Variants in CENPL observed in about 807,000 individuals in gnomAD.
The protein encoded by CENPL is centromere protein L.
In CENPL, 20 loss-of-function variants were observed where a neutral mutation model predicts 35.2. The ratio of observed to expected loss-of-function variants is 0.57; its 90% CI spans 0.40 to 0.83. CENPL has a LOEUF of 0.83. Ranked by LOEUF, CENPL falls within the 40% of genes least tolerant of loss-of-function variation. The probability of loss-of-function intolerance (pLI) is 0.00; values close to 1 mark genes in which losing one functional copy is unlikely to be tolerated. For synonymous variants in CENPL, 140 were observed against 140.6 expected, an observed-to-expected ratio of 1.00 and a Z score of 0.03; for missense variants, 363 against 395.8, an observed-to-expected ratio of 0.92 and a Z score of 0.70.
chr1:173,807,135 T>C (rs2102574652), intron 4 of CENPL, 132 bp downstream of exon 4: 1 of 680,580 alleles, frequency 1.5e-6, no homozygotes, highest in South Asian at 5.8e-5. Context: ...AAAATAAACA[T>C]GATTTTGTAC....
At chr1:173,802,267 G>A (rs1043129590) in intron 5 of CENPL, among the ~76,000 whole-genome samples, 2 of 151,632 alleles carry the variant, frequency 1.3e-5, no homozygotes, top group African/African-American at 4.8e-5. Context: ...GTGCAGTGGC[G>A]CGATCTCGGC....
rs1413226927 is a variant in CENPL at position 173,800,036 on chromosome 1, T to A, written c.*412A>T. The A allele has an allele frequency of 1.3e-5, 2 of 152,978 alleles. No homozygotes were observed. Among genetic ancestry groups the A allele is most frequent in the African/African-American group, 4.8e-5 (2 of 41,430 alleles). The allele number at this position is 152,978 out of a possible 1,614,324, so 9.5% of individuals were successfully genotyped here. A position where few individuals can be genotyped will look rare whatever the true frequency, so the allele number is the denominator to read the frequency against. On this transcript the variant is annotated 3_prime_UTR_variant, in exon 6 of 6. Coordinates refer to ENST00000682279, the MANE Select transcript of CENPL (RefSeq NM_001387287.1). ...CACCACGCCCAGCTAATTATTGTATTTTCAGTAGAGAAGGGGTTTCACCAT... is the reference window on the plus strand; with the variant it reads ...CACCACGCCCAGCTAATTATTGTATATTCAGTAGAGAAGGGGTTTCACCAT...
rs35772612 is a variant in CENPL at position 173,805,842 on chromosome 1, C to CTT, written c.420+1423_420+1424dup. Among the ~76,000 whole-genome samples, 10 of 151,558 alleles carry CTT rather than the reference C, an allele frequency of 6.6e-5. No individual in the cohort carries two copies. In the East Asian group the frequency reaches 1.6e-3, roughly 24 times the overall value. On this transcript the variant is annotated intron_variant, in intron 4 of 5. Transcript: ENST00000682279. ...GCCTCGGACAGCTTACATCCATGCA[C>CTT]TTTTTTTTTAAAAAAAGACAGTATA...
In CENPL at chr1:173,799,953, G is replaced by C. The variant is rs1374992653; in HGVS notation, c.*495C>G. The C allele has an allele frequency of 6.6e-6, 1 of 152,246 alleles. No homozygotes were observed. The highest frequency in any genetic ancestry group is 1.5e-5 in the Non-Finnish European group (1 of 68,116). 9.4% of individuals were successfully genotyped at this position (152,246 alleles called of 1,614,324 possible). On this transcript the variant is annotated 3_prime_UTR_variant, in exon 6 of 6. Transcript: ENST00000682279. ...CTTGGCTCACTGCAGCCTGTCTTCT[G>C]GGTTAAAACGATTCTCCTGCCTCAG...
intron 5 of CENPL, among the ~76,000 whole-genome samples, chr1:173,801,436 C>T (rs964730710): frequency 6.6e-6 from 1 of 151,070 alleles, no homozygotes; most frequent in Admixed American, 6.6e-5. Context: ...ATTGCTTGAA[C>T]CCAGGAGGCG....
chr1:173,811,111 A>T, intron 3 of CENPL, 21 bp downstream of exon 3: 1 of 1,604,370 alleles, frequency 6.2e-7, no homozygotes, highest in Non-Finnish European at 8.5e-7. Context: ...TGACTAACAC[A>T]AAGGGACACA....
chr1:173,804,269 T>C (rs1650018284), intron 4 of CENPL, among the ~76,000 whole-genome samples: 1 of 152,264 alleles, frequency 6.6e-6, no homozygotes, highest in Non-Finnish European at 1.5e-5. Context: ...CTTTTGGGCA[T>C]GCAGAATATA....
intron 5 of CENPL, 76 bp downstream of exon 5, chr1:173,802,887 T>C (rs1649879148): frequency 2.1e-6 from 2 of 943,034 alleles, no homozygotes; most frequent in Non-Finnish European, 3.2e-6. Flanking sequence ...TTCAATTGAG[T>C]GGACAATACA....
chr1:173,814,463 C>G (rs543273179), intron 2 of CENPL, among the ~76,000 whole-genome samples: 2 of 152,270 alleles, frequency 1.3e-5, no homozygotes, highest in African/African-American at 4.8e-5. Flanking sequence ...TGTAAAAGAA[C>G]AGATATCACA....
intron 2 of CENPL, chr1:173,822,228 T>G (rs1479154574): frequency 1.3e-5 from 2 of 152,222 alleles, no homozygotes; most frequent in Non-Finnish European, 2.9e-5. Context: ...AAGATCATTG[T>G]TTTTGCCAAA....
chr1:173,806,102 T>C (rs1189931426), intron 4 of CENPL, among the ~76,000 whole-genome samples: 1 of 152,168 alleles, frequency 6.6e-6, no homozygotes, highest in Non-Finnish European at 1.5e-5. Context: ...AGGGGCTATG[T>C]TCCAATAAAA....
At chr1:173,818,181 A>G (rs1651604264) in intron 2 of CENPL, among the ~76,000 whole-genome samples, 1 of 152,144 alleles carries the variant, frequency 6.6e-6, no homozygotes, top group African/African-American at 2.4e-5. Context: ...TTTTTTAAAA[A>G]TGTTAAAAAA....
chr1:173,808,830 C>A (rs1267186476), intron 3 of CENPL, among the ~76,000 whole-genome samples: 12 of 152,026 alleles, frequency 7.9e-5, no homozygotes, highest in African/African-American at 2.9e-4. Context: ...TAGGTACAGG[C>A]AAAGATTTCA....
chr1:173,815,721 G>A (rs575676530), intron 2 of CENPL, among the ~76,000 whole-genome samples: 12 of 152,066 alleles, frequency 7.9e-5, no homozygotes, highest in Middle Eastern at 3.4e-3. Context: ...CAAACCCACC[G>A]CCAATATCAT....
chr1:173,800,486 C>T lies in CENPL; in HGVS notation c.997G>A (p.Ala333Thr). 1.3e-6 allele frequency: 2 copies of T among 1,500,878 alleles called. No individual in the cohort carries two copies. The highest frequency in any genetic ancestry group is 1.4e-5 in the African/African-American group (1 of 72,580). The allele number at this position is 1,500,878 out of a possible 1,614,324, so 93.0% of individuals were successfully genotyped here. A position where few individuals can be genotyped will look rare whatever the true frequency, so the allele number is the denominator to read the frequency against. Residue 333 changes from alanine to threonine, a missense_variant, in exon 6 of 6, where the codon GCA becomes ACA. Physicochemically the swap from Ala to Thr is moderately conservative, Grantham distance 58 (BLOSUM62 0). Transcript: ENST00000682279. ...LCHKYLIGVL[A>T]YLTELAIFQI... is the part of the protein sequence containing the mutation. Reference sequence around the variant, plus strand: ...AAAATTGCCAGTTCTGTCAAATATGCTAACACTCCAATAAGGTATTTATGA... The same window carrying T: ...AAAATTGCCAGTTCTGTCAAATATGTTAACACTCCAATAAGGTATTTATGA...
chr1:173,807,450 G>C lies in CENPL; in HGVS notation c.237C>G (p.Pro79=), dbSNP rs769813360. 1.2e-6 allele frequency: 2 copies of C among 1,603,818 alleles called. No homozygotes were observed. Among genetic ancestry groups the C allele is most frequent in the South Asian group, 2.2e-5 (2 of 90,168 alleles). ...GATTACTATAGGAGAATTTATATAA[G>C]GGAGTTAAACTATATAAAGTCCACT... ...HKQWTLYSLT[P]LYKFSYSNLK... The change falls in exon 4 of 6, where the codon CCC becomes CCG. Residue 79 remains proline (P), a synonymous_variant. Coordinates refer to ENST00000682279, the MANE Select transcript of CENPL (RefSeq NM_001387287.1).
chr1:173,817,940 T>C (rs909594730), intron 2 of CENPL, among the ~76,000 whole-genome samples: 1 of 151,976 alleles, frequency 6.6e-6, no homozygotes, highest in African/African-American at 2.4e-5. Flanking sequence ...CACTCATAGG[T>C]GGGAATTGAT....
At chr1:173,811,833 A>G (rs1033666906) in intron 2 of CENPL, among the ~76,000 whole-genome samples, 2 of 152,242 alleles carry the variant, frequency 1.3e-5, no homozygotes, top group South Asian at 4.1e-4. Context: ...GGTGCAGCCC[A>G]TGGAGGGTGA....
At chr1:173,805,256 T>C (rs1467676495) in intron 4 of CENPL, among the ~76,000 whole-genome samples, 4 of 152,196 alleles carry the variant, frequency 2.6e-5, no homozygotes, top group African/African-American at 9.6e-5. Context: ...AGATGGCTCA[T>C]GCCTGCAATC....
Sources: gnomAD v4.1 joint callset for allele counts (sites outside exome capture counted in the v4.1 genomes callset) on GRCh38, gnomAD v4.1.1 for gene constraint, MANE v1.5 for transcripts, NCBI Gene and HGNC (gene_info 2026-07-23, HGNC 2026-07-21) for gene names.